GRM4: variants seen among roughly 807,000 people sequenced by gnomAD.
The protein encoded by GRM4 is metabotropic glutamate receptor 4.
Under a neutral mutation model 81.7 loss-of-function variants are expected in GRM4, and 28 were observed. The observed-to-expected ratio is 0.34, with a 90% CI of 0.25 to 0.47. The LOEUF is 0.47. GRM4 is among the 20% of genes least tolerant of loss of function. The pLI, the probability that GRM4 is intolerant of heterozygous loss-of-function variation, is 1.00. For missense variants in GRM4, 948 were observed against 1,290.0 expected (o/e 0.73, Z 4.06); for synonymous variants, 488 against 528.8 (o/e 0.92, Z 1.06).
At chr6:34,118,929 T>C (rs865945574) in intron 2 of GRM4, among the ~76,000 whole-genome samples, 2 of 152,232 alleles carry the variant, frequency 1.3e-5, no homozygotes, top group Non-Finnish European at 2.9e-5. Flanking sequence ...TAATCTCTCA[T>C]GAAGATTAAA....
chr6:34,085,877 C>T lies in GRM4; in HGVS notation c.736+6006G>A, dbSNP rs187378458. On this transcript the variant is annotated intron_variant, in intron 3 of 10. Coordinates refer to ENST00000538487, the MANE Select transcript of GRM4 (RefSeq NM_000841.4). ...GGTCAGAGGCCTCTCTGAAGGGAGACATCCGAGAAGATACCTGAAGACACC... is the reference window on the plus strand; with the variant it reads ...GGTCAGAGGCCTCTCTGAAGGGAGATATCCGAGAAGATACCTGAAGACACC... Among the ~76,000 whole-genome samples the T allele has an allele frequency of 2.1e-3, 320 of 152,304 alleles. 1 individual carries two copies. The highest frequency in any genetic ancestry group is 2.9e-3 in the Non-Finnish European group (194 of 68,026).
chr6:34,066,526 A>T (rs1406638709), intron 3 of GRM4, among the ~76,000 whole-genome samples: 1 of 152,018 alleles, frequency 6.6e-6, no homozygotes, highest in Non-Finnish European at 1.5e-5. Context: ...TGAAGGCTGC[A>T]TGAGGGCGGG....
At chr6:34,124,936 T>C (rs1301619721) in intron 2 of GRM4, among the ~76,000 whole-genome samples, 2 of 150,908 alleles carry the variant, frequency 1.3e-5, no homozygotes, top group Non-Finnish European at 3.0e-5. Context: ...CAGGAGCCTC[T>C]CTAGGAGGTC....
chr6:34,135,253 A>G (rs1232157947), intron 1 of GRM4, among the ~76,000 whole-genome samples: 1 of 152,078 alleles, frequency 6.6e-6, no homozygotes, highest in Non-Finnish European at 1.5e-5. Context: ...AAGGGGAGGG[A>G]AGGAAGCTGC....
intron 2 of GRM4, among the ~76,000 whole-genome samples, chr6:34,098,805 C>A (rs1768673433): frequency 6.6e-6 from 1 of 152,248 alleles, no homozygotes; most frequent in Admixed American, 6.5e-5. Context: ...TGCAACATCC[C>A]CCACCCTGAC....
intron 2 of GRM4, among the ~76,000 whole-genome samples, chr6:34,096,458 G>A (rs58029322): frequency 0.022 from 3,372 of 152,278 alleles, 49 homozygotes; most frequent in African/African-American, 0.034. Flanking sequence ...CACCAGGCAC[G>A]TCCTCCCGGT....
In GRM4 at chr6:34,136,554, G is replaced by A. The variant is rs1399344473; in HGVS notation, c.-363-2695C>T. Among the ~76,000 whole-genome samples, 6 of 110,458 alleles carry A rather than the reference G, an allele frequency of 5.4e-5. No homozygotes were observed. The South Asian group carries it at 1.0e-3, about 19-fold the overall frequency. 72.5% of individuals were successfully genotyped at this position (110,458 alleles called of 152,430 possible). ...CACGTCTGGGCTGAGCAGTGCATGCGCGCGTGCGGACACACACACACACAC... is the reference window on the plus strand; with the variant it reads ...CACGTCTGGGCTGAGCAGTGCATGCACGCGTGCGGACACACACACACACAC... On this transcript the variant is annotated intron_variant, in intron 1 of 10. Coordinates refer to ENST00000538487, the MANE Select transcript of GRM4 (RefSeq NM_000841.4). This position sits in a 1 kb window ranked among gnomAD's most constrained non-coding sequence, Gnocchi z 4.1.
At chr6:34,096,530 G>T (rs1030162262) in intron 2 of GRM4, among the ~76,000 whole-genome samples, 1 of 152,346 alleles carries the variant, frequency 6.6e-6, no homozygotes, top group South Asian at 2.1e-4. Flanking sequence ...CCTTGTGCAG[G>T]CAAGGCCACG....
intron 3 of GRM4, among the ~76,000 whole-genome samples, chr6:34,071,403 A>C (rs1337940435): frequency 2.4e-5 from 1 of 42,126 alleles, no homozygotes; most frequent in African/African-American, 9.1e-5. Context: ...ACATGGATAA[A>C]CACCACACAG....
rs1456914421 is a variant in GRM4, at chr6:34,152,278, C to T, written c.312+2801G>A. ...CGGCAGAGCCTGGAGGAGCCCGCATCCCACTCAGGCCACCTCCAAGCCTGG... is the reference window on the plus strand; with the variant it reads ...CGGCAGAGCCTGGAGGAGCCCGCATTCCACTCAGGCCACCTCCAAGCCTGG... On this transcript the variant is annotated intron_variant, in intron 1 of 8. Transcript: ENST00000374177. The surrounding 1 kb of genome is among the most constrained non-coding windows in gnomAD (Gnocchi z 4.1). 6.6e-6 allele frequency among the ~76,000 whole-genome samples: 1 copy of T among 152,206 alleles called. No individual in the cohort carries two copies. The highest frequency in any genetic ancestry group is 2.4e-5 in the African/African-American group (1 of 41,464).
chr6:34,030,271 C>T (rs1301569203), intron 9 of GRM4, among the ~76,000 whole-genome samples: 2 of 152,224 alleles, frequency 1.3e-5, no homozygotes, highest in African/African-American at 2.4e-5. Context: ...TCCCTGATTA[C>T]ATCAGGGTTC....
intron 2 of GRM4, among the ~76,000 whole-genome samples, chr6:34,094,479 G>C (rs1001124018): frequency 6.6e-6 from 1 of 152,186 alleles, no homozygotes; most frequent in African/African-American, 2.4e-5. Context: ...GCTCGGATTG[G>C]ATATTTATTA....
intron 1 of GRM4, among the ~76,000 whole-genome samples, chr6:34,138,657 A>C (rs968220245): frequency 6.6e-6 from 1 of 152,040 alleles, no homozygotes; most frequent in African/African-American, 2.4e-5. Flanking sequence ...GAACTGTGCC[A>C]CCCCTGCCAG....
Position 34,133,289 on chromosome 6 carries a change from G to C in GRM4, c.208C>G (p.Leu70Val). Residue 70 changes from leucine to valine, a missense_variant, in exon 2 of 11, where the codon CTT (leucine) becomes GTT (valine). Physicochemically the swap from Leu to Val is conservative, Grantham distance 32. Transcript: ENST00000538487. This position sits in a 1 kb window ranked among gnomAD's most constrained non-coding sequence, Gnocchi z 6.5. ...RGSEGKPCGE[L>V]KKEKGIHRLE... ...CGGTGGATGCCCTTTTCCTTCTTAA[G>C]TTCTCCACAGGGCTTGCCCTCTGAG... 6.2e-7 allele frequency: 1 copy of C among 1,614,178 alleles called. No individual in the cohort carries two copies.
At chr6:34,140,463 T>A (rs1581738016) in intron 1 of GRM4, among the ~76,000 whole-genome samples, 1 of 152,178 alleles carries the variant, frequency 6.6e-6, no homozygotes, top group East Asian at 1.9e-4. Context: ...CAGAGAAACC[T>A]GAGACTTAGA....
intron 3 of GRM4, among the ~76,000 whole-genome samples, chr6:34,088,271 G>A (rs956835950): frequency 2.0e-5 from 3 of 151,992 alleles, no homozygotes; most frequent in Non-Finnish European, 4.4e-5. Flanking sequence ...TTACAGGCTC[G>A]TGCCACCAGT....
Position 34,090,941 on chromosome 6 carries a change from G to A in GRM4, c.736+942C>T, listed in dbSNP as rs935744306. ...TGCAGGAGGTGGGTCTGCCAGGAGG[G>A]AGAAGGGCCTCCCCACTTCCCCCAC... On this transcript the variant is annotated intron_variant, in intron 3 of 10. Coordinates refer to ENST00000538487, the MANE Select transcript of GRM4 (RefSeq NM_000841.4). The surrounding 1 kb of genome is among the most constrained non-coding windows in gnomAD (Gnocchi z 5.2). 2.0e-5 allele frequency among the ~76,000 whole-genome samples: 3 copies of A among 152,048 alleles called. No homozygotes were observed. Among genetic ancestry groups the A allele is most frequent in the Non-Finnish European group, 4.4e-5 (3 of 67,978 alleles).
At chr6:34,031,885 C>T (rs769254287) in intron 9 of GRM4, among the ~76,000 whole-genome samples, 7 of 152,136 alleles carry the variant, frequency 4.6e-5, no homozygotes, top group South Asian at 2.1e-4. Flanking sequence ...TCAATATACA[C>T]GTACGTACCT....
At chr6:34,091,573 C>G (rs975571662) in intron 3 of GRM4, 4 of 368,514 alleles carry the variant, frequency 1.1e-5, no homozygotes, top group Admixed American at 8.6e-5. Context: ...CTCGTCCCCA[C>G]CCCATCCCTT....
Sources: allele counts gnomAD v4.1 joint callset (sites outside exome capture counted in the v4.1 genomes callset), GRCh38; gene constraint gnomAD v4.1.1; non-coding constraint Gnocchi (gnomAD v3.1); transcripts MANE v1.5; gene names NCBI Gene and HGNC (gene_info 2026-07-23, HGNC 2026-07-21).